The following EPB41L5 variants were observed in gnomAD, a reference collection of about 807,000 sequenced individuals.
EPB41L5 encodes the protein band 4.1-like protein 5.
EPB41L5 carries 55 observed loss-of-function variants against 106.6 expected under a neutral mutation model. That is an observed-to-expected ratio of 0.52 (90% CI 0.42 to 0.65). The LOEUF (loss-of-function observed/expected upper bound fraction) is 0.65. Among genes scored for constraint, EPB41L5 ranks in the 30% least tolerant of loss-of-function variants. EPB41L5 has a pLI of 0.00. For missense variants in EPB41L5, 871 were observed against 882.1 expected, an observed-to-expected ratio of 0.99 and a Z score of 0.16; for synonymous variants, 297 against 306.7, an observed-to-expected ratio of 0.97 and a Z score of 0.33.
intron 19 of EPB41L5, 58 bp downstream of exon 19, chr2:120,143,189 G>A (rs956477104): frequency 1.4e-6 from 2 of 1,454,970 alleles, no homozygotes; most frequent in Non-Finnish European, 1.8e-6. Context: ...GATGTAGAGA[G>A]TTGCCTTCCC....
At chr2:120,168,314 A>T (rs1049665828) in intron 24 of EPB41L5, among the ~76,000 whole-genome samples, 1 of 152,136 alleles carries the variant, frequency 6.6e-6, no homozygotes, top group African/African-American at 2.4e-5. Context: ...ATTTATTATG[A>T]TTATGCCTAC....
chr2:120,170,702 C>G (rs1188932085), intron 24 of EPB41L5, among the ~76,000 whole-genome samples: 1 of 152,196 alleles, frequency 6.6e-6, no homozygotes, highest in Non-Finnish European at 1.5e-5. Flanking sequence ...CAAGTCCTTT[C>G]CACACCCAAG....
At chr2:120,056,018 A>T (rs921907671) in intron 3 of EPB41L5, among the ~76,000 whole-genome samples, 1 of 151,984 alleles carries the variant, frequency 6.6e-6, no homozygotes, top group Admixed American at 6.6e-5. Flanking sequence ...CATATTCCTG[A>T]TCTTAGTGGG....
chr2:120,075,744 A>G lies in EPB41L5; in HGVS notation c.496A>G (p.Asn166Asp), dbSNP rs1351521025. 1 of 1,612,914 alleles carries G rather than the reference A, an allele frequency of 6.2e-7. No individual in the cohort carries two copies. Among genetic ancestry groups the G allele is most frequent in the Non-Finnish European group, 8.5e-7 (1 of 1,179,158 alleles). Residue 166 changes from asparagine (N) to aspartate (D), a missense_variant, in exon 7 of 25, where the codon AAT (asparagine) becomes GAT (aspartate). By Grantham distance (23) the Asn-to-Asp change is conservative. Transcript: ENST00000263713. ...TACAGCAGTGCAATTGGCAGCTTAT[A>G]ATCTGCAAGGTAAGCAATTCTTATG... ...FDTAVQLAAY[N>D]LQAELGDYDL... is the part of the protein sequence containing the mutation.
intron 16 of EPB41L5, among the ~76,000 whole-genome samples, chr2:120,127,425 G>C (rs1469592722): frequency 6.6e-6 from 1 of 152,134 alleles, no homozygotes; most frequent in Non-Finnish European, 1.5e-5. Context: ...TGTCGTGTTT[G>C]CATGTAACCT....
At chr2:120,049,176 G>A (rs962039072) in intron 3 of EPB41L5, among the ~76,000 whole-genome samples, 4 of 152,164 alleles carry the variant, frequency 2.6e-5, no homozygotes, top group Admixed American at 2.0e-4. Context: ...TATCTATTAG[G>A]TCTGCATGGT....
At chr2:120,076,496 T>TA (rs1553501850) in intron 7 of EPB41L5, among the ~76,000 whole-genome samples, 10 of 131,454 alleles carry the variant, frequency 7.6e-5, no homozygotes, top group Non-Finnish European at 1.4e-4. Context: ...TTTTTTTTTT[T>TA]AGAGACGAGG....
intron 7 of EPB41L5, 117 bp from the exon 8 acceptor site, chr2:120,076,854 T>C: frequency 2.1e-6 from 2 of 947,560 alleles, no homozygotes; most frequent in East Asian, 2.6e-5. Context: ...CTGAGTATTA[T>C]GAATTTTTGT....
chr2:120,091,870 A>G (rs557920379), intron 13 of EPB41L5, among the ~76,000 whole-genome samples: 9 of 152,184 alleles, frequency 5.9e-5, no homozygotes, highest in African/African-American at 2.2e-4. Flanking sequence ...GTTAATCCCA[A>G]TTCAAATGAT....
chr2:120,052,026 C>G (rs901017094), intron 3 of EPB41L5, among the ~76,000 whole-genome samples: 6 of 152,168 alleles, frequency 3.9e-5, no homozygotes, highest in African/African-American at 1.4e-4. Context: ...AGGGTTTCAC[C>G]ACATTGGCCA....
chr2:120,175,609 C>T lies in EPB41L5; in HGVS notation c.*702C>T, dbSNP rs1204779656. 2 of 152,006 alleles carry T rather than the reference C, an allele frequency of 1.3e-5. No individual in the cohort carries two copies. The highest frequency in any genetic ancestry group is 2.9e-5 in the Non-Finnish European group (2 of 68,028). The allele number at this position is 152,006 out of a possible 1,614,324, so 9.4% of individuals were successfully genotyped here. A position where few individuals can be genotyped will look rare whatever the true frequency, so the allele number is the denominator to read the frequency against. ...TCCTGTCATATTTTTTTCACCCTGC[C>T]TTTCCACAGGAAGCACTCACAGGCA... is the stretch of plus-strand genomic sequence containing the variant. On this transcript the variant is annotated 3_prime_UTR_variant, in exon 25 of 25. Coordinates refer to ENST00000263713, the MANE Select transcript of EPB41L5 (RefSeq NM_020909.4).
intron 21 of EPB41L5, among the ~76,000 whole-genome samples, chr2:120,161,967 G>T (rs1000235102): frequency 6.6e-6 from 1 of 152,176 alleles, no homozygotes; most frequent in Non-Finnish European, 1.5e-5. Flanking sequence ...GTGCCAAAAA[G>T]GTTGGGGACT....
In EPB41L5 at chr2:120,152,380, G is replaced by A. The variant is rs1392664017; in HGVS notation, c.1793+6091G>A. On this transcript the variant is annotated intron_variant, in intron 20 of 24. Transcript: ENST00000263713. The stretch of plus-strand genomic sequence containing the variant: ...AATCCTACTTGGTCATGTTATATAA[G>A]CTTTTTAATATTCTTCTCGATGCAG... Among the ~76,000 whole-genome samples the A allele has an allele frequency of 2.0e-5, 3 of 152,060 alleles. No homozygotes were observed. The East Asian group carries it at 5.8e-4, about 29-fold the overall frequency.
At chr2:120,028,567 T>C (rs957041472) in intron 2 of EPB41L5, among the ~76,000 whole-genome samples, 1 of 152,114 alleles carries the variant, frequency 6.6e-6, no homozygotes, top group Non-Finnish European at 1.5e-5. Flanking sequence ...TTAGAGGTGA[T>C]ATGCTTGATT....
chr2:120,076,023 A>T, intron 7 of EPB41L5, among the ~76,000 whole-genome samples: 1 of 152,208 alleles, frequency 6.6e-6, no homozygotes, highest in East Asian at 1.9e-4. Context: ...GCCTTCGGCT[A>T]ACTTTTTCCT....
At chr2:120,081,929 A>G (rs1241389637) in intron 10 of EPB41L5, among the ~76,000 whole-genome samples, 5 of 152,052 alleles carry the variant, frequency 3.3e-5, no homozygotes, top group African/African-American at 7.2e-5. Flanking sequence ...TTGGTGTATA[A>G]GAATGCTTGT....
intron 13 of EPB41L5, 115 bp downstream of exon 13, chr2:120,091,776 A>G (rs2105369521): frequency 2.7e-6 from 2 of 729,332 alleles, no homozygotes; most frequent in Non-Finnish European, 4.5e-6. Context: ...GTTCCAGTCA[A>G]CTAAAGTACT....
Position 120,104,761 on chromosome 2 carries a change from A to G in EPB41L5, c.1337+3947A>G, listed in dbSNP as rs545493536. On this transcript the variant is annotated intron_variant, in intron 16 of 24. Transcript: ENST00000263713. ...AATTTAAGTGCCTAAGATTTTAATTAATATAATTTTTAATTACAAACACTT... is the reference window on the plus strand; with the variant it reads ...AATTTAAGTGCCTAAGATTTTAATTGATATAATTTTTAATTACAAACACTT... 115 of 898,720 alleles carry G rather than the reference A, an allele frequency of 1.3e-4. 1 individual carries two copies. In the African/African-American group the frequency reaches 1.9e-3, roughly 15 times the overall value. 55.7% of individuals were successfully genotyped at this position (898,720 alleles called of 1,614,324 possible).
At chr2:120,114,100 G>A (rs950255703) in intron 16 of EPB41L5, among the ~76,000 whole-genome samples, 2 of 152,172 alleles carry the variant, frequency 1.3e-5, no homozygotes, top group African/African-American at 4.8e-5. Flanking sequence ...CACCATGTGG[G>A]TTCCAGTTTT....
Sources: allele counts gnomAD v4.1 joint callset (sites outside exome capture counted in the v4.1 genomes callset), GRCh38; gene constraint gnomAD v4.1.1; transcripts MANE v1.5; gene names NCBI Gene and HGNC (gene_info 2026-07-23, HGNC 2026-07-21).